GALNT7: variants seen among roughly 807,000 people sequenced by gnomAD.
GALNT7 encodes N-acetylgalactosaminyltransferase 7.
Under a neutral mutation model 82.1 loss-of-function variants are expected in GALNT7, and 60 were observed. The ratio of observed to expected loss-of-function variants is 0.73; its 90% CI spans 0.59 to 0.91. The LOEUF is 0.91. GALNT7 is among the 40% of genes least tolerant of loss of function. The pLI, the probability that GALNT7 is intolerant of heterozygous loss-of-function variation, is 0.00. For synonymous variants in GALNT7, 243 were observed against 275.1 expected (o/e 0.88, Z 1.15); for missense variants, 660 against 804.2 (o/e 0.82, Z 2.17).
chr4:173,268,536 T>TG (rs1294485509), intron 2 of GALNT7, among the ~76,000 whole-genome samples: 2 of 112,646 alleles, frequency 1.8e-5, no homozygotes, highest in Non-Finnish European at 3.7e-5. Context: ...TCTCGTTTTT[T>TG]TTTTTTTTTT....
intron 1 of GALNT7, among the ~76,000 whole-genome samples, chr4:173,231,260 T>C (rs533174461): frequency 6.6e-6 from 1 of 152,342 alleles, no homozygotes; most frequent in African/African-American, 2.4e-5. Flanking sequence ...AATTGGCTTC[T>C]TTGGTGTAAC....
At chr4:173,298,396 T>A in intron 6 of GALNT7, 99 bp downstream of exon 6, 1 of 734,696 alleles carries the variant, frequency 1.4e-6, no homozygotes, top group Non-Finnish European at 2.2e-6. Flanking sequence ...ACTGTAGATG[T>A]TGTCTCAGAT....
chr4:173,182,213 T>C (rs1732269678), intron 1 of GALNT7, among the ~76,000 whole-genome samples: 1 of 152,244 alleles, frequency 6.6e-6, no homozygotes, highest in South Asian at 2.1e-4. Context: ...TAATGATTTA[T>C]GATTCTGCAT....
At chr4:173,319,106 C>T (rs945403180) in intron 11 of GALNT7, among the ~76,000 whole-genome samples, 8 of 152,146 alleles carry the variant, frequency 5.3e-5, no homozygotes, top group South Asian at 2.1e-4. Flanking sequence ...TAGTTATTCA[C>T]GTGACACTGC....
At chr4:173,224,803 G>T (rs540323953) in intron 1 of GALNT7, among the ~76,000 whole-genome samples, 1 of 151,700 alleles carries the variant, frequency 6.6e-6, no homozygotes, top group Non-Finnish European at 1.5e-5. Context: ...ACGAGGTCAG[G>T]AGATCCAGAC....
intron 2 of GALNT7, among the ~76,000 whole-genome samples, chr4:173,257,572 A>C (rs1579961264): frequency 6.6e-6 from 1 of 152,264 alleles, no homozygotes; most frequent in East Asian, 1.9e-4. Flanking sequence ...AATTACATTC[A>C]GTAAACTTTT....
rs1736972590 is a variant in GALNT7, at chr4:173,302,308, A to G, written c.1266+144A>G. On this transcript the variant is annotated intron_variant, in intron 7 of 11. Transcript: ENST00000265000. This position sits in a 1 kb window ranked among gnomAD's most constrained non-coding sequence, Gnocchi z 4.2. ...AATTGTATAGAATGATTTAATGAAA[A>G]TGGATGCCTTTGAGGAAAAAATAAG... The G allele has an allele frequency of 3.0e-6, 2 of 670,846 alleles. No individual in the cohort carries two copies. The highest frequency in any genetic ancestry group is 3.4e-5 in the South Asian group (2 of 59,026). 41.6% of individuals were successfully genotyped at this position (670,846 alleles called of 1,614,324 possible). A position where few individuals can be genotyped will look rare whatever the true frequency, so the allele number is the denominator to read the frequency against.
rs182973275 is a variant in GALNT7 at position 173,211,288 on chromosome 4, G to A, written c.127-36692G>A. On this transcript the variant is annotated intron_variant, in intron 1 of 11. Coordinates refer to ENST00000265000, the MANE Select transcript of GALNT7 (RefSeq NM_017423.3). ...CCTGTACCCTCACTAGATCTGTTAA[G>A]GTAAAAATCTCTGCTCTGTGTGAGC... Among the ~76,000 whole-genome samples, 795 of 152,230 alleles carry A rather than the reference G, an allele frequency of 5.2e-3. 9 individuals carry two copies. The highest frequency in any genetic ancestry group is 0.018 in the African/African-American group (765 of 41,540).
At chr4:173,305,650 A>C (rs182392361) in intron 8 of GALNT7, among the ~76,000 whole-genome samples, 18 of 152,258 alleles carry the variant, frequency 1.2e-4, no homozygotes, top group Admixed American at 8.5e-4. Flanking sequence ...TTTATTGAAG[A>C]GACTGTGTTT....
At chr4:173,196,253 T>C (rs1732772798) in intron 1 of GALNT7, among the ~76,000 whole-genome samples, 1 of 151,962 alleles carries the variant, frequency 6.6e-6, no homozygotes. Flanking sequence ...GCCTCCCAAG[T>C]AGCTGGGATT....
intron 1 of GALNT7, among the ~76,000 whole-genome samples, chr4:173,196,163 C>T (rs529192087): frequency 1.6e-3 from 238 of 149,318 alleles, no homozygotes; most frequent in African/African-American, 5.5e-3. Flanking sequence ...CTCGCTCTGT[C>T]GCCCAGGCTG....
chr4:173,308,414 A>G (rs1737239680), intron 8 of GALNT7, among the ~76,000 whole-genome samples: 1 of 152,070 alleles, frequency 6.6e-6, no homozygotes, highest in African/African-American at 2.4e-5. Flanking sequence ...TTATTCACAC[A>G]TGAGTAAAAT....
intron 1 of GALNT7, among the ~76,000 whole-genome samples, chr4:173,183,374 C>A (rs1255097356): frequency 6.6e-6 from 1 of 150,956 alleles, no homozygotes; most frequent in Non-Finnish European, 1.5e-5. Flanking sequence ...ATGTAAAGAT[C>A]AGTGATTGAG....
Position 173,227,425 on chromosome 4 carries a change from A to G in GALNT7, c.127-20555A>G, listed in dbSNP as rs557539852. Among the ~76,000 whole-genome samples the G allele has an allele frequency of 6.3e-3, 955 of 152,196 alleles. 11 individuals are homozygous for G. The highest frequency in any genetic ancestry group is 8.8e-3 in the Non-Finnish European group (601 of 67,986). ...TGGCTCACTGCAAGCTCCGCCTCCC[A>G]GGTTCACGCCATTCTCCTGCCTCAG... On this transcript the variant is annotated intron_variant, in intron 1 of 11. Transcript: ENST00000265000.
intron 1 of GALNT7, among the ~76,000 whole-genome samples, chr4:173,206,847 C>G (rs1733115068): frequency 1.3e-5 from 2 of 152,174 alleles, no homozygotes; most frequent in Non-Finnish European, 2.9e-5. Flanking sequence ...ATTTACCAAA[C>G]TGCCATGAAA....
In GALNT7 at chr4:173,263,696, CAA is replaced by C. The variant is rs1190007309; in HGVS notation, c.587+15259_587+15260del. Among the ~76,000 whole-genome samples, 806 of 152,224 alleles carry C rather than the reference CAA, an allele frequency of 5.3e-3. 10 individuals carry two copies. The highest frequency in any genetic ancestry group is 0.019 in the African/African-American group (779 of 41,556). On this transcript the variant is annotated intron_variant, in intron 2 of 11. Coordinates refer to ENST00000265000, the MANE Select transcript of GALNT7 (RefSeq NM_017423.3). ...TTAAAATTAAAGGAACTCATGGGAA[CAA>C]AACCCAAGGGTTCAAGGTTCATCAA...
chr4:173,286,803 C>A (rs1405591397), intron 2 of GALNT7, among the ~76,000 whole-genome samples: 2 of 152,176 alleles, frequency 1.3e-5, no homozygotes, highest in South Asian at 4.1e-4. Flanking sequence ...GCCTAAGAAT[C>A]CCCTCAACTG....
intron 2 of GALNT7, among the ~76,000 whole-genome samples, chr4:173,271,014 A>G (rs1180827776): frequency 6.6e-6 from 1 of 152,236 alleles, no homozygotes; most frequent in Non-Finnish European, 1.5e-5. Context: ...CCTCAGTATA[A>G]TTTGCAAATC....
At chr4:173,319,950 A>C (rs1737743288) in intron 11 of GALNT7, among the ~76,000 whole-genome samples, 1 of 152,172 alleles carries the variant, frequency 6.6e-6, no homozygotes, top group Non-Finnish European at 1.5e-5. Flanking sequence ...AAAGTAAATA[A>C]GAAAGCCTGG....
Sources: allele counts gnomAD v4.1 joint callset (sites outside exome capture counted in the v4.1 genomes callset), GRCh38; gene constraint gnomAD v4.1.1; non-coding constraint Gnocchi (gnomAD v3.1); transcripts MANE v1.5; gene names NCBI Gene and HGNC (gene_info 2026-07-23, HGNC 2026-07-21).